UNC13C: variants seen among roughly 807,000 people sequenced by gnomAD.
UNC13C encodes protein unc-13 homolog C.
Under a neutral mutation model 245.4 loss-of-function variants are expected in UNC13C, and 174 were observed. That is an observed-to-expected ratio of 0.71 (90% CI 0.63 to 0.80). UNC13C has a LOEUF of 0.80. Among genes scored for constraint, UNC13C ranks in the 30% least tolerant of loss-of-function variants. UNC13C has a pLI of 0.00. For synonymous variants in UNC13C, 992 were observed against 895.1 expected, an observed-to-expected ratio of 1.11 and a Z score of -1.93; for missense variants, 2,829 against 2,602.9, an observed-to-expected ratio of 1.09 and a Z score of -1.89.
At chr15:54,055,628 C>T (rs1361537150) in intron 2 of UNC13C, among the ~76,000 whole-genome samples, 7 of 152,252 alleles carry the variant, frequency 4.6e-5, no homozygotes. Flanking sequence ...AAGTGTTAAG[C>T]ATTACTTCTC....
intron 2 of UNC13C, among the ~76,000 whole-genome samples, chr15:54,111,579 A>G (rs954548454): frequency 4.6e-5 from 7 of 152,192 alleles, no homozygotes; most frequent in African/African-American, 1.2e-4. Flanking sequence ...TCGATGGGCA[A>G]TATGATCACC....
At chr15:54,494,023 T>A (rs1893839841) in intron 19 of UNC13C, among the ~76,000 whole-genome samples, 1 of 151,996 alleles carries the variant, frequency 6.6e-6, no homozygotes, top group Non-Finnish European at 1.5e-5. Flanking sequence ...TTAGAGATAT[T>A]TTCTCTCCTT....
intron 17 of UNC13C, among the ~76,000 whole-genome samples, chr15:54,378,790 T>C (rs1202995928): frequency 6.6e-6 from 1 of 152,018 alleles, no homozygotes; most frequent in Non-Finnish European, 1.5e-5. Context: ...AATTTATATA[T>C]TTAAAATTCC....
chr15:54,150,751 A>G (rs1051786252), intron 4 of UNC13C, among the ~76,000 whole-genome samples: 2 of 152,046 alleles, frequency 1.3e-5, no homozygotes, highest in East Asian at 1.9e-4. Context: ...GTGTGGATCT[A>G]TGAGACCTCA....
intron 4 of UNC13C, among the ~76,000 whole-genome samples, chr15:54,186,063 T>C (rs1461697691): frequency 7.0e-6 from 1 of 142,690 alleles, no homozygotes. Context: ...ATGATTTGGC[T>C]CTCTGTTTGT....
chr15:54,398,847 C>A (rs1047862653), intron 18 of UNC13C, among the ~76,000 whole-genome samples: 9 of 151,424 alleles, frequency 5.9e-5, no homozygotes, highest in African/African-American at 2.2e-4. Context: ...TGTCTTCTCT[C>A]TTTTGTTCTG....
At chr15:54,616,721 A>G (rs1900460384) in intron 30 of UNC13C, among the ~76,000 whole-genome samples, 2 of 152,078 alleles carry the variant, frequency 1.3e-5, no homozygotes, top group Admixed American at 1.3e-4. Context: ...GGTTACAGAA[A>G]GTTTACTTTA....
intron 2 of UNC13C, chr15:54,049,421 T>C (rs1321221072): frequency 6.0e-6 from 3 of 498,612 alleles, no homozygotes; most frequent in Non-Finnish European, 1.2e-5. Flanking sequence ...ATTGGTGTAT[T>C]CCAGTTCTTT....
At chr15:54,263,235 A>G (rs2036471131) in intron 8 of UNC13C, among the ~76,000 whole-genome samples, 1 of 152,160 alleles carries the variant, frequency 6.6e-6, no homozygotes, top group Non-Finnish European at 1.5e-5. Flanking sequence ...GTACCAAAAA[A>G]AGTTTGATTT....
intron 4 of UNC13C, among the ~76,000 whole-genome samples, chr15:54,230,767 A>G (rs1018936330): frequency 1.3e-5 from 2 of 152,074 alleles, no homozygotes; most frequent in African/African-American, 4.8e-5. Context: ...TCTCGCTACA[A>G]AAAATAAGTG....
chr15:54,015,529 A>G lies in UNC13C; in HGVS notation c.2626A>G (p.Thr876Ala). ...TACTGAACCAGTGGCTGACAATGAAACAGATTATGTTGAAGTCATGGAACA... is the reference window on the plus strand; with the variant it reads ...TACTGAACCAGTGGCTGACAATGAAGCAGATTATGTTGAAGTCATGGAACA... Reference protein sequence around the residue: ...DYTEPVADNETDYVEVMEQVL... With the variant: ...DYTEPVADNEADYVEVMEQVL... Residue 876 changes from threonine (T) to alanine (A), a missense_variant, in exon 2 of 33, where the codon ACA (threonine) becomes GCA (alanine). Transcript: ENST00000260323. 3 of 1,613,308 alleles carry G rather than the reference A, an allele frequency of 1.9e-6. No individual in the cohort carries two copies. Among genetic ancestry groups the G allele is most frequent in the Non-Finnish European group, 2.5e-6 (3 of 1,179,404 alleles).
At chr15:54,043,450 T>C (rs1056618453) in intron 2 of UNC13C, among the ~76,000 whole-genome samples, 1 of 152,224 alleles carries the variant, frequency 6.6e-6, no homozygotes, top group Non-Finnish European at 1.5e-5. Context: ...ATTTTTACTC[T>C]GGATTTGGTC....
At chr15:53,946,532 C>T in the UNC13C span, among the ~76,000 whole-genome samples, 17 of 151,138 alleles carry the variant, frequency 1.1e-4, no homozygotes, top group Admixed American at 6.6e-4. Flanking sequence ...ACTAGCCTGG[C>T]CAATATGGTG....
the UNC13C span, among the ~76,000 whole-genome samples, chr15:53,860,123 A>T: frequency 1.3e-5 from 2 of 152,158 alleles, no homozygotes; most frequent in African/African-American, 4.8e-5. Context: ...ATGACATTTA[A>T]AGTAAGAATG....
At chr15:54,268,307 G>C (rs750657306) in intron 10 of UNC13C, among the ~76,000 whole-genome samples, 1 of 151,796 alleles carries the variant, frequency 6.6e-6, no homozygotes. Context: ...ATCCTAACTG[G>C]GTCTTTGCAT....
At chr15:54,086,002 A>G (rs1322149627) in intron 2 of UNC13C, among the ~76,000 whole-genome samples, 1 of 152,254 alleles carries the variant, frequency 6.6e-6, no homozygotes, top group Non-Finnish European at 1.5e-5. Flanking sequence ...ATACATGTGT[A>G]CATGTGGAAT....
intron 2 of UNC13C, among the ~76,000 whole-genome samples, chr15:54,074,869 C>G (rs1005130045): frequency 6.6e-6 from 1 of 151,630 alleles, no homozygotes; most frequent in African/African-American, 2.4e-5. Flanking sequence ...CCCTTTATTT[C>G]TTTATCTTGC....
chr15:54,162,946 T>A (rs1038971623), intron 4 of UNC13C, among the ~76,000 whole-genome samples: 7 of 152,098 alleles, frequency 4.6e-5, no homozygotes, highest in African/African-American at 1.7e-4. Context: ...CCTGAATAGG[T>A]GAGACAAGGT....
In UNC13C at chr15:54,311,683, A is replaced by T. The variant is rs78677679; in HGVS notation, c.4269-10256A>T. On this transcript the variant is annotated intron_variant, in intron 13 of 32. Coordinates refer to ENST00000260323, the MANE Select transcript of UNC13C (RefSeq NM_001080534.3). ...AATATTAAACTGGTATCTATTTTACAGTAATTTTATTATACCATGAGGCAT... is the reference window on the plus strand; with the variant it reads ...AATATTAAACTGGTATCTATTTTACTGTAATTTTATTATACCATGAGGCAT... 3.1e-3 allele frequency among the ~76,000 whole-genome samples: 467 copies of T among 151,886 alleles called. 18 individuals carry two copies. In the East Asian group the frequency reaches 0.066, roughly 21 times the overall value.
Sources: allele counts gnomAD v4.1 joint callset (sites outside exome capture counted in the v4.1 genomes callset), GRCh38; gene constraint gnomAD v4.1.1; transcripts MANE v1.5; gene names NCBI Gene and HGNC (gene_info 2026-07-23, HGNC 2026-07-21).